The following USP5 variants were observed in gnomAD, a reference collection of about 807,000 sequenced individuals.
USP5 encodes the protein ubiquitin specific peptidase 5, also known as ubiquitin carboxyl-terminal hydrolase 5.
In USP5, 24 loss-of-function variants were observed where a neutral mutation model predicts 102.5. That is an observed-to-expected ratio of 0.23 (90% CI 0.17 to 0.33). The LOEUF is 0.33. Ranked by LOEUF, USP5 falls within the 10% of genes least tolerant of loss-of-function variation. The pLI is 1.00. For synonymous variants in USP5, 460 were observed against 434.8 expected (o/e 1.06, Z -0.72); for missense variants, 753 against 1,122.1 (o/e 0.67, Z 4.70).
rs372825674 is a variant in USP5, at chr12:6,856,161, C to T, written c.438+11C>T. ...ATTGTCAGAGATCGGGTATGACTGC[C>T]CCCTATGCTACCCAAGATTCTAGAG... On this transcript the variant is annotated intron_variant, in intron 4 of 19. Coordinates refer to ENST00000229268, the MANE Select transcript of USP5 (RefSeq NM_001098536.2). The surrounding 1 kb of genome is among the most constrained non-coding windows in gnomAD (Gnocchi z 5.6). 1.9e-5 allele frequency: 31 copies of T among 1,613,914 alleles called. No individual in the cohort carries two copies. The African/African-American group carries it at 3.1e-4, about 16-fold the overall frequency.
Position 6,860,214 on chromosome 12 carries a change from T to C in USP5, c.1194T>C (p.Asp398=). ...CCAAGCCAGTACCGGAGTCGGGCGA[T>C]GGGGAGCGGGTGCCAGAACAGAAGG... ...EYSKPVPESG[D]GERVPEQKEV... is the part of the protein sequence containing the mutation. The change falls in exon 10 of 20, where the codon GAT becomes GAC. Residue 398 remains aspartate (D), a synonymous_variant. Transcript: ENST00000229268. The surrounding 1 kb of genome is among the most constrained non-coding windows in gnomAD (Gnocchi z 5.5). 1 of 1,608,488 alleles carries C rather than the reference T, an allele frequency of 6.2e-7. No homozygotes were observed. The highest frequency in any genetic ancestry group is 8.5e-7 in the Non-Finnish European group (1 of 1,178,382).
intron 1 of USP5, among the ~76,000 whole-genome samples, chr12:6,854,831 A>G (rs1376206584): frequency 6.6e-6 from 1 of 152,024 alleles, no homozygotes; most frequent in Non-Finnish European, 1.5e-5. Flanking sequence ...ATACTGTTCA[A>G]GTGCTGGAAT....
chr12:6,863,423 G>A lies in USP5; in HGVS notation c.1954+46G>A. 1 of 1,580,096 alleles carries A rather than the reference G, an allele frequency of 6.3e-7. No individual in the cohort carries two copies. The highest frequency in any genetic ancestry group is 8.6e-7 in the Non-Finnish European group (1 of 1,157,832). ...CCTGTCTCTCTCCCGTGCTGATGGG[G>A]GCCTCTCTGCCTTGCATCCCCTGCC... On this transcript the variant is annotated intron_variant, in intron 15 of 19. Coordinates refer to ENST00000229268, the MANE Select transcript of USP5 (RefSeq NM_001098536.2). The surrounding 1 kb of genome is among the most constrained non-coding windows in gnomAD (Gnocchi z 4.7).
chr12:6,858,402 T>A lies in USP5; in HGVS notation c.865-22T>A, dbSNP rs782178379. The A allele has an allele frequency of 6.3e-7, 1 of 1,589,522 alleles. No individual in the cohort carries two copies. Among genetic ancestry groups the A allele is most frequent in the East Asian group, 2.3e-5 (1 of 44,096 alleles). ...ACAGGGTTGAGTTTCTCACTCAGTC[T>A]GAAGTGCCCCTTCTCACACAGACAG... On this transcript the variant is annotated intron_variant, in intron 7 of 19. Transcript: ENST00000229268. The surrounding 1 kb of genome is among the most constrained non-coding windows in gnomAD (Gnocchi z 4.2).
At chr12:6,853,996 A>C (rs181654492) in intron 1 of USP5, among the ~76,000 whole-genome samples, 1 of 152,296 alleles carries the variant, frequency 6.6e-6, no homozygotes, top group Non-Finnish European at 1.5e-5. Flanking sequence ...TGTTGCTCAA[A>C]GCCTTGGATC....
Position 6,856,087 on chromosome 12 carries a change from G to T in USP5, c.375G>T (p.Leu125Phe). The T allele has an allele frequency of 6.2e-7, 1 of 1,614,204 alleles. No individual in the cohort carries two copies. The highest frequency in any genetic ancestry group is 8.5e-7 in the Non-Finnish European group (1 of 1,180,040). Reference protein sequence around the residue: ...ELDEDVKIVILPDYLEIARDG... With the variant: ...ELDEDVKIVIFPDYLEIARDG... ...ACGAGGATGTGAAGATTGTCATTTTGCCAGATTACCTGGAGATTGCCCGGG... is the reference window on the plus strand; with the variant it reads ...ACGAGGATGTGAAGATTGTCATTTTTCCAGATTACCTGGAGATTGCCCGGG... The change falls in exon 4 of 20, where the codon TTG becomes TTT. Residue 125 changes from leucine (L) to phenylalanine (F), a missense_variant. Leu to Phe is a conservative substitution (Grantham distance 22). Coordinates refer to ENST00000229268, the MANE Select transcript of USP5 (RefSeq NM_001098536.2). This position sits in a 1 kb window ranked among gnomAD's most constrained non-coding sequence, Gnocchi z 5.6.
Position 6,866,189 on chromosome 12 carries a change from C to A in USP5, c.*112C>A, listed in dbSNP as rs1944440045. ...TGCTCTGTACCCTTTTTCCTTTTGTCCCCGGCAGCAGGGAAGAAGCTGGAG... is the reference window on the plus strand; with the variant it reads ...TGCTCTGTACCCTTTTTCCTTTTGTACCCGGCAGCAGGGAAGAAGCTGGAG... On this transcript the variant is annotated 3_prime_UTR_variant, in exon 20 of 20. Transcript: ENST00000229268. The surrounding 1 kb of genome is among the most constrained non-coding windows in gnomAD (Gnocchi z 4.7). 1.7e-5 allele frequency: 17 copies of A among 1,010,986 alleles called. No individual in the cohort carries two copies. In the South Asian group the frequency reaches 2.1e-4, roughly 13 times the overall value. 62.6% of individuals were successfully genotyped at this position (1,010,986 alleles called of 1,614,324 possible). A position where few individuals can be genotyped will look rare whatever the true frequency, so the allele number is the denominator to read the frequency against.
rs1944074813 is a variant in USP5 at position 6,855,291 on chromosome 12, C to G, written c.112-110C>G. 5 of 1,451,130 alleles carry G rather than the reference C, an allele frequency of 3.4e-6. No homozygotes were observed. Among genetic ancestry groups the G allele is most frequent in the Non-Finnish European group, 4.7e-6 (5 of 1,063,276 alleles). 89.9% of individuals were successfully genotyped at this position (1,451,130 alleles called of 1,614,324 possible). A position where few individuals can be genotyped will look rare whatever the true frequency, so the allele number is the denominator to read the frequency against. ...CCAAGGGCCACACAGTGTTAGAGAA[C>G]AGAACATTTCTTCTGGAACCCAGCA... On this transcript the variant is annotated intron_variant, in intron 1 of 19. Coordinates refer to ENST00000229268, the MANE Select transcript of USP5 (RefSeq NM_001098536.2). The surrounding 1 kb of genome is among the most constrained non-coding windows in gnomAD (Gnocchi z 4.6).
In USP5 at chr12:6,857,715, A is replaced by T. The variant is rs1555128654; in HGVS notation, c.856A>T (p.Met286Leu). ...LSHFGIDMLK[M>L]QKTDKTMTEL... is the part of the protein sequence containing the mutation. ...CCACTTCGGCATCGACATGCTGAAG[A>T]TGCAGAAGGTGAGACCCCCTTCAAC... Residue 286 changes from methionine to leucine, a missense_variant, in exon 7 of 20, where the codon ATG (methionine) becomes TTG (leucine). Physicochemically the swap from Met to Leu is conservative, Grantham distance 15. This residue lies in a region of USP5 where 527 missense variants were observed against 816.5 expected (regional missense o/e 0.65). Transcript: ENST00000229268. 1.2e-6 allele frequency: 2 copies of T among 1,614,032 alleles called. No individual in the cohort carries two copies. The highest frequency in any genetic ancestry group is 2.7e-5 in the African/African-American group (2 of 74,928).
In USP5 at chr12:6,855,636, C is replaced by T. The variant is rs1565529581; in HGVS notation, c.237+110C>T. The T allele has an allele frequency of 1.3e-6, 2 of 1,586,274 alleles. No individual in the cohort carries two copies. Among genetic ancestry groups the T allele is most frequent in the South Asian group, 2.3e-5 (2 of 87,420 alleles). On this transcript the variant is annotated intron_variant, in intron 2 of 19. Coordinates refer to ENST00000229268, the MANE Select transcript of USP5 (RefSeq NM_001098536.2). The surrounding 1 kb of genome is among the most constrained non-coding windows in gnomAD (Gnocchi z 4.6). ...ACTTTTGTGTCATTAAAGCTTGGCA[C>T]AGATGTTTTTTAGCTTTATTCCGTT...
chr12:6,861,178 A>G lies in USP5; in HGVS notation c.1498+72A>G. 6.3e-7 allele frequency: 1 copy of G among 1,585,698 alleles called. No individual in the cohort carries two copies. Among genetic ancestry groups the G allele is most frequent in the Non-Finnish European group, 8.6e-7 (1 of 1,165,650 alleles). ...TCTAGGAGGAATGCTTGGGCACCTC[A>G]TGGGAGCACAGCCCAGGGAATGCCC... On this transcript the variant is annotated intron_variant, in intron 12 of 19. Coordinates refer to ENST00000229268, the MANE Select transcript of USP5 (RefSeq NM_001098536.2). The surrounding 1 kb of genome is among the most constrained non-coding windows in gnomAD (Gnocchi z 4.9).
rs1555128269 is a variant in USP5 at position 6,856,314 on chromosome 12, G to A, written c.448G>A (p.Ala150Thr). 1.2e-6 allele frequency: 2 copies of A among 1,613,018 alleles called. No homozygotes were observed. The highest frequency in any genetic ancestry group is 1.7e-6 in the Non-Finnish European group (2 of 1,179,500). ...PDIVRDRVTS[A>T]VEALLSADSA... ...CCTCTGCTTCCCCCAGGTGACCAGT[G>A]CAGTGGAGGCCCTACTGTCGGCCGA... Residue 150 changes from alanine to threonine, a missense_variant, in exon 5 of 20, where the codon GCA becomes ACA. By Grantham distance (58) the Ala-to-Thr change is moderately conservative. Around this residue, in one of 3 missense-constraint regions of USP5, gnomAD observed 527 missense variants for 816.5 expected, o/e 0.65. Transcript: ENST00000229268. This position sits in a 1 kb window ranked among gnomAD's most constrained non-coding sequence, Gnocchi z 5.6.
Position 6,858,406 on chromosome 12 carries a change from G to A in USP5, c.865-18G>A. Reference sequence around the variant, plus strand: ...GGTTGAGTTTCTCACTCAGTCTGAAGTGCCCCTTCTCACACAGACAGACAA... The same window carrying A: ...GGTTGAGTTTCTCACTCAGTCTGAAATGCCCCTTCTCACACAGACAGACAA... On this transcript the variant is annotated intron_variant, in intron 7 of 19. Coordinates refer to ENST00000229268, the MANE Select transcript of USP5 (RefSeq NM_001098536.2). The surrounding 1 kb of genome is among the most constrained non-coding windows in gnomAD (Gnocchi z 4.2). 6.3e-7 allele frequency: 1 copy of A among 1,591,228 alleles called. No individual in the cohort carries two copies. Among genetic ancestry groups the A allele is most frequent in the Admixed American group, 1.7e-5 (1 of 59,716 alleles).
chr12:6,856,786 C>T lies in USP5; in HGVS notation c.664C>T (p.Arg222Cys). ...TGATGGCTCCATCCTCTGTGGGCGA[C>T]GCTACTTCGATGGCAGTGGGGGCAA... is the stretch of plus-strand genomic sequence containing the variant. ...LTDGSILCGR[R>C]YFDGSGGNNH... is the part of the protein sequence containing the mutation. Residue 222 changes from arginine (R) to cysteine (C), a missense_variant, in exon 6 of 20, where the codon CGC becomes TGC. Around this residue, in one of 3 missense-constraint regions of USP5, gnomAD observed 527 missense variants for 816.5 expected, o/e 0.65. Coordinates refer to ENST00000229268, the MANE Select transcript of USP5 (RefSeq NM_001098536.2). The surrounding 1 kb of genome is among the most constrained non-coding windows in gnomAD (Gnocchi z 5.6). 1 of 1,614,138 alleles carries T rather than the reference C, an allele frequency of 6.2e-7. No individual in the cohort carries two copies. Among genetic ancestry groups the T allele is most frequent in the Non-Finnish European group, 8.5e-7 (1 of 1,180,030 alleles).
In USP5 at chr12:6,864,284, C is replaced by T. The variant is rs2138071026; in HGVS notation, c.2244+89C>T. 1 of 1,481,612 alleles carries T rather than the reference C, an allele frequency of 6.7e-7. No individual in the cohort carries two copies. Among genetic ancestry groups the T allele is most frequent in the African/African-American group, 1.4e-5 (1 of 71,254 alleles). The allele number at this position is 1,481,612 out of a possible 1,614,324, so 91.8% of individuals were successfully genotyped here. ...CATCCTTCTTGAGCAAGACCAAAGA[C>T]AACAGGTGTGGTCTGGCCGAGGTTG... On this transcript the variant is annotated intron_variant, in intron 17 of 19. Transcript: ENST00000229268. This position sits in a 1 kb window ranked among gnomAD's most constrained non-coding sequence, Gnocchi z 4.8.
Position 6,860,277 on chromosome 12 carries a change from G to A in USP5, c.1218+39G>A, listed in dbSNP as rs781942316. The stretch of plus-strand genomic sequence containing the variant: ...CCTGTCCCTTTCAGGCCCTGGGATT[G>A]TGGGGAAGCTGAGGTCTGGGAGATG... On this transcript the variant is annotated intron_variant, in intron 10 of 19. Transcript: ENST00000229268. This position sits in a 1 kb window ranked among gnomAD's most constrained non-coding sequence, Gnocchi z 5.5. The A allele has an allele frequency of 1.4e-5, 22 of 1,611,126 alleles. No individual in the cohort carries two copies. In the African/African-American group the frequency reaches 2.9e-4, roughly 22 times the overall value.
At position 6,860,182 on chromosome 12, in the gene USP5, G is replaced by A. The variant is rs782661613; in HGVS notation, c.1162G>A (p.Glu388Lys). 12 of 1,607,176 alleles carry A rather than the reference G, an allele frequency of 7.5e-6. No individual in the cohort carries two copies. Among genetic ancestry groups the A allele is most frequent in the South Asian group, 4.4e-5 (4 of 90,312 alleles). Residue 388 changes from glutamate to lysine, a missense_variant, in exon 10 of 20, where the codon GAG becomes AAG. Physicochemically the swap from Glu to Lys is moderately conservative, Grantham distance 56. Coordinates refer to ENST00000229268, the MANE Select transcript of USP5 (RefSeq NM_001098536.2). This position sits in a 1 kb window ranked among gnomAD's most constrained non-coding sequence, Gnocchi z 5.5. ...AKLGHGLLSG[E>K]YSKPVPESGD... ...GCTGGGCCATGGCCTTCTCTCCGGG[G>A]AGTATTCCAAGCCAGTACCGGAGTC... is the stretch of plus-strand genomic sequence containing the variant.
Position 6,861,641 on chromosome 12 carries a change from A to G in USP5, c.1673+24A>G, listed in dbSNP as rs782000287. On this transcript the variant is annotated intron_variant, in intron 13 of 19. Transcript: ENST00000229268. The surrounding 1 kb of genome is among the most constrained non-coding windows in gnomAD (Gnocchi z 4.9). ...AAGTAAGTCCTCTGGTCGGGGCCTG[A>G]GGCTGTGGGTCTATGGCAGAGCTAT... The G allele has an allele frequency of 6.6e-7, 1 of 1,514,906 alleles. No homozygotes were observed. The highest frequency in any genetic ancestry group is 1.8e-4 in the Middle Eastern group (1 of 5,662). The allele number at this position is 1,514,906 out of a possible 1,614,324, so 93.8% of individuals were successfully genotyped here.
Position 6,857,640 on chromosome 12 carries a change from T to C in USP5, c.781T>C (p.Tyr261His). Reference sequence around the variant, plus strand: ...GCCTCCTGCTCTAGACGTGTACTCATATGATGAGGATGACATGGTCCTGGA... The same window carrying C: ...GCCTCCTGCTCTAGACGTGTACTCACATGATGAGGATGACATGGTCCTGGA... ...ITPDGADVYS[Y>H]DEDDMVLDPS... Residue 261 changes from tyrosine to histidine, a missense_variant, in exon 7 of 20, where the codon TAT becomes CAT. By Grantham distance (83) the Tyr-to-His change is moderately conservative. Transcript: ENST00000229268. 1 of 1,613,794 alleles carries C rather than the reference T, an allele frequency of 6.2e-7. No individual in the cohort carries two copies. Among genetic ancestry groups the C allele is most frequent in the East Asian group, 2.2e-5 (1 of 44,842 alleles).
Sources: gnomAD v4.1 joint callset for allele counts (sites outside exome capture counted in the v4.1 genomes callset) on GRCh38, gnomAD v4.1.1 for gene constraint, gnomAD v4.1.1 regional missense constraint, Gnocchi (gnomAD v3.1) non-coding constraint, MANE v1.5 for transcripts, NCBI Gene and HGNC (gene_info 2026-07-23, HGNC 2026-07-21) for gene names.